Variants in ZSCAN1 observed in about 807,000 individuals in gnomAD.
ZSCAN1 encodes zinc finger and SCAN domain-containing protein 1.
A neutral mutation model predicts 23.8 loss-of-function variants in ZSCAN1; 23 were observed. That is an observed-to-expected ratio of 0.97 (90% CI 0.70 to 1.37). The LOEUF (loss-of-function observed/expected upper bound fraction) is 1.37. Ranked by LOEUF, ZSCAN1 falls within the 40% of genes most tolerant of loss-of-function variation. The pLI is 0.00. For synonymous variants in ZSCAN1, 236 were observed against 232.3 expected (o/e 1.02, Z -0.15); for missense variants, 575 against 554.0 (o/e 1.04, Z -0.38).
chr19:58,044,952 G>C, intron 4 of ZSCAN1: 1 of 1,046,928 alleles, frequency 9.6e-7, no homozygotes, highest in Non-Finnish European at 1.5e-6. Flanking sequence ...TAGTAGAGAA[G>C]TCCCTCAAGT....
rs750229871 is a variant in ZSCAN1 at position 58,036,403 on chromosome 19, C to T, written c.-110+392C>T. Among the ~76,000 whole-genome samples, 10 of 152,092 alleles carry T rather than the reference C, an allele frequency of 6.6e-5. 1 individual carries two copies. The highest frequency in any genetic ancestry group is 6.2e-4 in the South Asian group (3 of 4,834). On this transcript the variant is annotated intron_variant, in intron 2 of 5. Transcript: ENST00000282326. The stretch of plus-strand genomic sequence containing the variant: ...AGTACAATTGTTAAAGACAAACAAA[C>T]GAAACCTCCCTGCTTATTTTTATTT...
chr19:58,046,863 T>C lies in ZSCAN1; in HGVS notation c.466-5627T>C, dbSNP rs112998763. The C allele has an allele frequency of 1.5e-3, 931 of 634,950 alleles. 8 individuals are homozygous for C. In the African/African-American group the frequency reaches 0.016, roughly 11 times the overall value. The allele number at this position is 634,950 out of a possible 1,614,324, so 39.3% of individuals were successfully genotyped here. A position where few individuals can be genotyped will look rare whatever the true frequency, so the allele number is the denominator to read the frequency against. ...CGGTGATTCTTAGTGGCTCATCTAA[T>C]ACTTTGGCTGGAATAAATCAGAGAC... On this transcript the variant is annotated intron_variant, in intron 4 of 5. Coordinates refer to ENST00000282326, the MANE Select transcript of ZSCAN1 (RefSeq NM_182572.4).
chr19:58,043,165 G>A (rs1300208722), intron 4 of ZSCAN1, among the ~76,000 whole-genome samples: 1 of 152,268 alleles, frequency 6.6e-6, no homozygotes, highest in Non-Finnish European at 1.5e-5. Context: ...AGCCCGGCTC[G>A]CCAGGAGGCG....
Position 58,045,011 on chromosome 19 carries a change from G to A in ZSCAN1, c.465+4467G>A. ...CTGGAGGAAGGCGGCCCTGTGTACAGCGCCCCCGCAGAGATGGTGGTGAAG... is the reference window on the plus strand; with the variant it reads ...CTGGAGGAAGGCGGCCCTGTGTACAACGCCCCCGCAGAGATGGTGGTGAAG... On this transcript the variant is annotated intron_variant, in intron 4 of 5. Transcript: ENST00000282326. This position sits in a 1 kb window ranked among gnomAD's most constrained non-coding sequence, Gnocchi z 4.3. The A allele has an allele frequency of 8.7e-7, 1 of 1,154,926 alleles. No individual in the cohort carries two copies. The highest frequency in any genetic ancestry group is 2.4e-5 in the East Asian group (1 of 42,128). 71.5% of individuals were successfully genotyped at this position (1,154,926 alleles called of 1,614,324 possible). A position where few individuals can be genotyped will look rare whatever the true frequency, so the allele number is the denominator to read the frequency against.
intron 3 of ZSCAN1, among the ~76,000 whole-genome samples, chr19:58,039,702 C>T (rs1291432290): frequency 2.8e-5 from 4 of 141,204 alleles, no homozygotes; most frequent in African/African-American, 5.3e-5. Context: ...ACCCAGGAGG[C>T]GGAGCTTGCA....
At position 58,038,347 on chromosome 19, in the gene ZSCAN1, T is replaced by C. The variant is rs200943502; in HGVS notation, c.370+141T>C. 269 of 1,100,406 alleles carry C rather than the reference T, an allele frequency of 2.4e-4. 1 individual carries two copies. The highest frequency in any genetic ancestry group is 3.2e-4 in the Non-Finnish European group (257 of 792,318). 68.2% of individuals were successfully genotyped at this position (1,100,406 alleles called of 1,614,324 possible). A position where few individuals can be genotyped will look rare whatever the true frequency, so the allele number is the denominator to read the frequency against. ...CAGCAAACCTCTCCTGCCCCGCGGC[T>C]GTGTTTTTAATTATTTTTACATATA... is the stretch of plus-strand genomic sequence containing the variant. On this transcript the variant is annotated intron_variant, in intron 3 of 5. Coordinates refer to ENST00000282326, the MANE Select transcript of ZSCAN1 (RefSeq NM_182572.4).
intron 4 of ZSCAN1, among the ~76,000 whole-genome samples, chr19:58,041,909 G>A (rs1411047686): frequency 2.0e-5 from 3 of 152,142 alleles, no homozygotes; most frequent in East Asian, 1.9e-4. Context: ...AGTGGCTCAC[G>A]CATGTAATCC....
intron 4 of ZSCAN1, among the ~76,000 whole-genome samples, chr19:58,042,535 G>A (rs2073797361): frequency 6.6e-6 from 1 of 152,104 alleles, no homozygotes; most frequent in South Asian, 2.1e-4. Context: ...GTGAGCCATC[G>A]CGCCCGGCCC....
Position 58,052,623 on chromosome 19 carries a change from T to G in ZSCAN1, c.599T>G (p.Leu200Trp). The change falls in exon 5 of 6, where the codon TTG becomes TGG. Residue 200 changes from leucine to tryptophan, a missense_variant. By Grantham distance (61) the Leu-to-Trp change is moderately conservative. Coordinates refer to ENST00000282326, the MANE Select transcript of ZSCAN1 (RefSeq NM_182572.4). ...AEAEAPRAPG[L>W]LGSRARLPLK... ...GCCGAAGCGCCCCGCGCCCCTGGCTTGCTGGGTGAGTCTGGCTCCTGTGTG... is the reference window on the plus strand; with the variant it reads ...GCCGAAGCGCCCCGCGCCCCTGGCTGGCTGGGTGAGTCTGGCTCCTGTGTG... 6.3e-7 allele frequency: 1 copy of G among 1,598,942 alleles called. No homozygotes were observed. Among genetic ancestry groups the G allele is most frequent in the Non-Finnish European group, 8.5e-7 (1 of 1,171,948 alleles).
chr19:58,044,343 A>C (rs756346611), intron 4 of ZSCAN1, among the ~76,000 whole-genome samples: 3 of 152,108 alleles, frequency 2.0e-5, no homozygotes, highest in Non-Finnish European at 4.4e-5. Context: ...TATCCCACAG[A>C]AAGGTTATGC....
chr19:58,044,892 C>T, intron 4 of ZSCAN1: 2 of 804,560 alleles, frequency 2.5e-6, no homozygotes, highest in African/African-American at 1.7e-5. Context: ...GGCCTCGGTG[C>T]CTTCCTGCCC....
At chr19:58,052,341 C>A in intron 4 of ZSCAN1, 149 bp from the exon 5 acceptor site, 1 of 1,348,454 alleles carries the variant, frequency 7.4e-7, no homozygotes, top group South Asian at 1.4e-5. Context: ...CATCAGCATC[C>A]CAAAGCACGG....
intron 4 of ZSCAN1, chr19:58,046,594 A>C: frequency 1.2e-6 from 1 of 841,656 alleles, no homozygotes; most frequent in South Asian, 1.3e-5. Context: ...ACTGAATGAA[A>C]ATAAGGATGG....
Position 58,045,691 on chromosome 19 carries a change from C to T in ZSCAN1, c.465+5147C>T. On this transcript the variant is annotated intron_variant, in intron 4 of 5. Transcript: ENST00000282326. This position sits in a 1 kb window ranked among gnomAD's most constrained non-coding sequence, Gnocchi z 4.3. ...GGACAGCCTGAACGTCAAGGAGCTG[C>T]AGGCGGCATGTCGGGCACGAGGCAT... 1.1e-6 allele frequency: 1 copy of T among 937,416 alleles called. No homozygotes were observed. The highest frequency in any genetic ancestry group is 1.8e-5 in the Admixed American group (1 of 56,972). 58.1% of individuals were successfully genotyped at this position (937,416 alleles called of 1,614,324 possible).
chr19:58,044,271 TCAAAACAAAA>T (rs755442932), intron 4 of ZSCAN1, among the ~76,000 whole-genome samples: 1 of 149,588 alleles, frequency 6.7e-6, no homozygotes, highest in Admixed American at 6.7e-5. Flanking sequence ...AAACTCCGTC[TCAAAACAAAA>T]CAAAACAAAA....
intron 2 of ZSCAN1, among the ~76,000 whole-genome samples, chr19:58,037,128 A>G (rs1389881122): frequency 1.3e-5 from 2 of 151,922 alleles, no homozygotes; most frequent in African/African-American, 4.9e-5. Context: ...CCATGGGTAG[A>G]CCTGCTGCTG....
rs2073880651 is a variant in ZSCAN1, at chr19:58,054,595, T to C, written c.*544T>C. The C allele has an allele frequency of 6.6e-6, 1 of 152,614 alleles. No individual in the cohort carries two copies. Among genetic ancestry groups the C allele is most frequent in the African/African-American group, 2.4e-5 (1 of 41,456 alleles). The allele number at this position is 152,614 out of a possible 1,614,324, so 9.5% of individuals were successfully genotyped here. ...GGTAAAGTACATGCAACATAAAATT[T>C]ACCATTTCAGTCATTAAAAATGAAC... On this transcript the variant is annotated 3_prime_UTR_variant, in exon 6 of 6. Transcript: ENST00000282326. This position sits in a 1 kb window ranked among gnomAD's most constrained non-coding sequence, Gnocchi z 4.2.
chr19:58,036,804 A>T (rs1008290028), intron 2 of ZSCAN1, among the ~76,000 whole-genome samples: 1 of 152,176 alleles, frequency 6.6e-6, no homozygotes, highest in East Asian at 1.9e-4. Context: ...CTCCTGCCTC[A>T]GCCTCCCACG....
chr19:58,046,002 C>T, intron 4 of ZSCAN1: 1 of 708,240 alleles, frequency 1.4e-6, no homozygotes, highest in South Asian at 1.7e-5. Context: ...AGTAGGAGCA[C>T]CGCGAGAAGG....
Sources: allele counts gnomAD v4.1 joint callset (sites outside exome capture counted in the v4.1 genomes callset), GRCh38; gene constraint gnomAD v4.1.1; non-coding constraint Gnocchi (gnomAD v3.1); transcripts MANE v1.5; gene names NCBI Gene and HGNC (gene_info 2026-07-23, HGNC 2026-07-21).